The following ABTB3 variants were observed in gnomAD, a reference collection of about 807,000 sequenced individuals.
ABTB3 encodes the protein ankyrin repeat and BTB domain containing 3, also known as ankyrin repeat- and BTB/POZ domain-containing protein 3.
the ABTB3 span, chr12:107,581,292 C>G: frequency 2.8e-6 from 4 of 1,419,976 alleles, no homozygotes; most frequent in African/African-American, 1.5e-5. Context: ...GACTGCGAGC[C>G]GCGCCAGCTC....
the ABTB3 span, among the ~76,000 whole-genome samples, chr12:107,558,338 G>T: frequency 6.6e-6 from 1 of 152,228 alleles, no homozygotes; most frequent in African/African-American, 2.4e-5. Context: ...CGATGTCCCT[G>T]CCATCCAGCA....
the ABTB3 span, chr12:107,650,142 A>C: frequency 6.6e-6 from 1 of 152,186 alleles, no homozygotes; most frequent in East Asian, 1.9e-4. Context: ...TACAACACGG[A>C]AGCTGGGCCA....
chr12:107,328,889 G>T, the ABTB3 span, among the ~76,000 whole-genome samples: 3 of 152,176 alleles, frequency 2.0e-5, no homozygotes, highest in South Asian at 6.2e-4. Context: ...GGTGGTGGTG[G>T]TTATGGTTGA....
the ABTB3 span, among the ~76,000 whole-genome samples, chr12:107,505,192 T>C: frequency 2.6e-5 from 4 of 152,148 alleles, no homozygotes; most frequent in African/African-American, 7.2e-5. Context: ...TGTGACTACC[T>C]TCACCATTTG....
At chr12:107,369,132 TG>T in the ABTB3 span, among the ~76,000 whole-genome samples, 1 of 152,208 alleles carries the variant, frequency 6.6e-6, no homozygotes, top group Non-Finnish European at 1.5e-5. Context: ...TTTTGCTTTT[TG>T]GTTCGTGCCT....
chr12:107,498,926 A>G, the ABTB3 span, among the ~76,000 whole-genome samples: 1 of 152,224 alleles, frequency 6.6e-6, no homozygotes, highest in Non-Finnish European at 1.5e-5. Context: ...AAATTGGTAA[A>G]TCATTTCTGA....
At chr12:107,437,098 T>C in the ABTB3 span, among the ~76,000 whole-genome samples, 1 of 152,156 alleles carries the variant, frequency 6.6e-6, no homozygotes. Context: ...ATGGGTGTGT[T>C]CCATAGCTTA....
chr12:107,382,766 G>T, the ABTB3 span, among the ~76,000 whole-genome samples: 1 of 152,096 alleles, frequency 6.6e-6, no homozygotes, highest in East Asian at 1.9e-4. Flanking sequence ...GTTGTGGGGT[G>T]GAGGGCTAGG....
the ABTB3 span, among the ~76,000 whole-genome samples, chr12:107,500,138 C>T: frequency 8.5e-5 from 13 of 152,282 alleles, no homozygotes; most frequent in East Asian, 3.9e-4. Context: ...GTTGGGGACA[C>T]GGAGCCAAAC....
chr12:107,347,518 G>C, the ABTB3 span, among the ~76,000 whole-genome samples: 2 of 152,122 alleles, frequency 1.3e-5, no homozygotes, highest in Non-Finnish European at 2.9e-5. Flanking sequence ...GTGCCTTGAT[G>C]CGTTTCGACC....
At chr12:107,502,832 C>A in the ABTB3 span, among the ~76,000 whole-genome samples, 5 of 152,184 alleles carry the variant, frequency 3.3e-5, no homozygotes, top group African/African-American at 1.2e-4. Context: ...GGAACAGTTT[C>A]ATCCTAAAAC....
At chr12:107,599,093 T>C in the ABTB3 span, among the ~76,000 whole-genome samples, 1 of 152,198 alleles carries the variant, frequency 6.6e-6, no homozygotes, top group African/African-American at 2.4e-5. Context: ...CACCATGAAA[T>C]TCCCCGGAGA....
the ABTB3 span, among the ~76,000 whole-genome samples, chr12:107,535,524 G>A: frequency 1.1e-4 from 17 of 152,236 alleles, no homozygotes; most frequent in African/African-American, 3.9e-4. Flanking sequence ...AAAATCTAAA[G>A]AGTCCACCAA....
At chr12:107,404,750 G>T in the ABTB3 span, among the ~76,000 whole-genome samples, 14 of 152,132 alleles carry the variant, frequency 9.2e-5, no homozygotes, top group Non-Finnish European at 2.1e-4. Context: ...CTGCCCTGAT[G>T]GATGGCACAG....
At chr12:107,334,899 G>A in the ABTB3 span, among the ~76,000 whole-genome samples, 31,232 of 151,940 alleles carry the variant, frequency 0.21, 3,723 homozygotes, top group East Asian at 0.35. Context: ...CCTTGCATCA[G>A]GTGGTATTTG....
At chr12:107,336,176 G>A in the ABTB3 span, among the ~76,000 whole-genome samples, 1 of 152,320 alleles carries the variant, frequency 6.6e-6, no homozygotes, top group South Asian at 2.1e-4. Context: ...ATGCCAAAGT[G>A]CTTGTTGTCA....
the ABTB3 span, chr12:107,618,097 C>T: frequency 1.9e-6 from 3 of 1,539,036 alleles, no homozygotes; most frequent in East Asian, 2.3e-5. Flanking sequence ...TGCCCCTGCC[C>T]TGCCCCAGCA....
the ABTB3 span, among the ~76,000 whole-genome samples, chr12:107,599,692 G>T: frequency 1.3e-5 from 2 of 152,066 alleles, no homozygotes; most frequent in African/African-American, 4.8e-5. Context: ...TGAGGCTGGG[G>T]CCCCTCTCTG....
the ABTB3 span, among the ~76,000 whole-genome samples, chr12:107,489,224 TA>T: frequency 6.6e-6 from 1 of 152,112 alleles, no homozygotes; most frequent in Non-Finnish European, 1.5e-5. Flanking sequence ...AAAGGCCATT[TA>T]AAAAACAAAT....
Sources: allele counts gnomAD v4.1 joint callset (sites outside exome capture counted in the v4.1 genomes callset), GRCh38; gene constraint gnomAD v4.1.1; transcripts MANE v1.5; gene names NCBI Gene and HGNC (gene_info 2026-07-23, HGNC 2026-07-21).